The following TAFA1 variants were observed in gnomAD, a reference collection of about 807,000 sequenced individuals.
TAFA1 encodes chemokine-like protein TAFA-1.
Under a neutral mutation model 18.5 loss-of-function variants are expected in TAFA1, and 4 were observed. That is an observed-to-expected ratio of 0.22 (90% confidence interval 0.11 to 0.49). The LOEUF (loss-of-function observed/expected upper bound fraction) is 0.49. Among genes scored for constraint, TAFA1 ranks in the 20% least tolerant of loss-of-function variants. The pLI, the probability that TAFA1 is intolerant of heterozygous loss-of-function variation, is 0.98. For missense variants in TAFA1, 147 were observed against 169.0 expected (o/e 0.87, Z 0.72); for synonymous variants, 56 against 55.2 (o/e 1.01, Z -0.06).
rs74505235 is a variant in TAFA1, at chr3:68,173,577, C to T, written c.118+166833C>T. 4.6e-3 allele frequency among the ~76,000 whole-genome samples: 705 copies of T among 152,224 alleles called. 29 individuals are homozygous for T. In the East Asian group the frequency reaches 0.091, roughly 20 times the overall value. On this transcript the variant is annotated intron_variant, in intron 2 of 4. Transcript: ENST00000478136. The stretch of plus-strand genomic sequence containing the variant: ...TATGAAGGGCCTATTTTAAAAACTT[C>T]AAACACTTAAGAAACTTGAAGAATT...
intron 2 of TAFA1, among the ~76,000 whole-genome samples, chr3:68,242,696 A>C (rs893464682): frequency 6.6e-6 from 1 of 152,162 alleles, no homozygotes; most frequent in African/African-American, 2.4e-5. Flanking sequence ...TATTGGTAAG[A>C]ATTAAGTGCA....
Position 68,046,996 on chromosome 3 carries a change from A to C in TAFA1, c.118+40252A>C, listed in dbSNP as rs77475122. Reference sequence around the variant, plus strand: ...TTAGAAATATGCAAGCACTGTGTTTAATATTTGAATACAGCTTTTGCTTCA... The same window carrying C: ...TTAGAAATATGCAAGCACTGTGTTTCATATTTGAATACAGCTTTTGCTTCA... On this transcript the variant is annotated intron_variant, in intron 2 of 4. Transcript: ENST00000478136. 8.9e-4 allele frequency among the ~76,000 whole-genome samples: 135 copies of C among 152,324 alleles called. 2 individuals are homozygous for C. In the East Asian group the frequency reaches 0.018, roughly 21 times the overall value.
At chr3:68,049,807 T>C (rs1428447133) in intron 2 of TAFA1, among the ~76,000 whole-genome samples, 1 of 152,016 alleles carries the variant, frequency 6.6e-6, no homozygotes, top group Non-Finnish European at 1.5e-5. Context: ...GAGAGAACAT[T>C]TTCTGCATAT....
chr3:68,263,877 A>T (rs964429576), intron 2 of TAFA1, among the ~76,000 whole-genome samples: 3 of 152,220 alleles, frequency 2.0e-5, no homozygotes, highest in Non-Finnish European at 4.4e-5. Flanking sequence ...TTTTGAAATT[A>T]TTCATTTACT....
chr3:67,991,657 C>T, the TAFA1 span, among the ~76,000 whole-genome samples: 1 of 152,340 alleles, frequency 6.6e-6, no homozygotes, highest in East Asian at 1.9e-4. Flanking sequence ...CTGCTGGGTT[C>T]TTAGGCCTTT....
At chr3:68,321,126 C>G (rs1256267838) in intron 2 of TAFA1, among the ~76,000 whole-genome samples, 2 of 152,166 alleles carry the variant, frequency 1.3e-5, no homozygotes, top group Non-Finnish European at 2.9e-5. Flanking sequence ...ACTTGAGTAT[C>G]TTTTTCTCTC....
At chr3:68,107,306 A>T (rs2065214729) in intron 2 of TAFA1, among the ~76,000 whole-genome samples, 1 of 152,178 alleles carries the variant, frequency 6.6e-6, no homozygotes, top group Non-Finnish European at 1.5e-5. Flanking sequence ...TAGTGAAATG[A>T]AAACATATTC....
At chr3:68,044,937 C>T (rs1439407246) in intron 2 of TAFA1, among the ~76,000 whole-genome samples, 1 of 152,178 alleles carries the variant, frequency 6.6e-6, no homozygotes, top group Non-Finnish European at 1.5e-5. Context: ...TATGAATCGG[C>T]TATTGCTGTG....
At chr3:68,286,500 C>A (rs899399563) in intron 2 of TAFA1, among the ~76,000 whole-genome samples, 3 of 151,992 alleles carry the variant, frequency 2.0e-5, no homozygotes, top group Non-Finnish European at 4.4e-5. Flanking sequence ...GAAGCCAAGA[C>A]CCTCAACACT....
intron 4 of TAFA1, among the ~76,000 whole-genome samples, chr3:68,542,193 A>T (rs571015717): frequency 6.7e-4 from 102 of 152,276 alleles, no homozygotes; most frequent in African/African-American, 2.4e-3. Context: ...TCACCTTGAA[A>T]GGTTTTCCAA....
intron 2 of TAFA1, among the ~76,000 whole-genome samples, chr3:68,091,682 A>G (rs2106797985): frequency 6.6e-6 from 1 of 152,266 alleles, no homozygotes; most frequent in African/African-American, 2.4e-5. Context: ...CAAACTGAGG[A>G]TGAAAAAAGC....
chr3:68,218,362 T>C (rs938222186), intron 2 of TAFA1, among the ~76,000 whole-genome samples: 1 of 152,110 alleles, frequency 6.6e-6, no homozygotes, highest in African/African-American at 2.4e-5. Context: ...TCTTAATATG[T>C]AGGTTAATTA....
chr3:68,406,206 C>T (rs897785457), intron 2 of TAFA1, among the ~76,000 whole-genome samples: 4 of 151,898 alleles, frequency 2.6e-5, no homozygotes, highest in African/African-American at 9.7e-5. Flanking sequence ...ATTAGTATAG[C>T]CAGAGGAGTT....
chr3:68,075,697 C>CAT (rs1559727491), intron 2 of TAFA1, among the ~76,000 whole-genome samples: 39 of 138,164 alleles, frequency 2.8e-4, no homozygotes, highest in Middle Eastern at 4.0e-3. Context: ...TTCTTCTTTC[C>CAT]CTTTTTTTTT....
chr3:68,199,435 A>G (rs1286287302), intron 2 of TAFA1, among the ~76,000 whole-genome samples: 1 of 151,578 alleles, frequency 6.6e-6, no homozygotes, highest in Admixed American at 6.6e-5. Flanking sequence ...CATTGAAATT[A>G]TAGATCAAGC....
chr3:68,423,598 G>T (rs2071000086), intron 3 of TAFA1, among the ~76,000 whole-genome samples: 1 of 152,076 alleles, frequency 6.6e-6, no homozygotes, highest in South Asian at 2.1e-4. Context: ...ACATCATAAA[G>T]ATGATTGCAC....
At chr3:68,027,639 C>T (rs1296003646) in intron 2 of TAFA1, among the ~76,000 whole-genome samples, 1 of 152,194 alleles carries the variant, frequency 6.6e-6, no homozygotes, top group South Asian at 2.1e-4. Context: ...GTCACATCTC[C>T]TTGTCTCTGT....
In TAFA1 at chr3:68,005,800, T is replaced by C. The variant is rs145065903; in HGVS notation, c.-3-824T>C. On this transcript the variant is annotated intron_variant, in intron 1 of 4. Coordinates refer to ENST00000478136, the MANE Select transcript of TAFA1 (RefSeq NM_213609.4). ...GCAGCATAAGGTGTTGTTTGAGAAATTGGACAATATATAGCGCAGTTGAGC... is the reference window on the plus strand; with the variant it reads ...GCAGCATAAGGTGTTGTTTGAGAAACTGGACAATATATAGCGCAGTTGAGC... 5.0e-3 allele frequency among the ~76,000 whole-genome samples: 769 copies of C among 152,312 alleles called. 7 individuals carry two copies. The highest frequency in any genetic ancestry group is 0.017 in the African/African-American group (721 of 41,566).
intron 2 of TAFA1, among the ~76,000 whole-genome samples, chr3:68,024,233 A>C (rs1704762874): frequency 6.6e-6 from 1 of 152,176 alleles, no homozygotes; most frequent in Non-Finnish European, 1.5e-5. Context: ...TCATGGATGA[A>C]TGCCTATACA....
Sources: gnomAD v4.1 joint callset for allele counts (sites outside exome capture counted in the v4.1 genomes callset) on GRCh38, gnomAD v4.1.1 for gene constraint, MANE v1.5 for transcripts, NCBI Gene and HGNC (gene_info 2026-07-23, HGNC 2026-07-21) for gene names.